The following ANKFN1 variants were observed in gnomAD, a reference collection of about 807,000 sequenced individuals.
ANKFN1 encodes the protein ankyrin repeat and fibronectin type III domain containing 1.
ANKFN1 carries 74 observed loss-of-function variants against 108.7 expected under a neutral mutation model. The observed-to-expected ratio is 0.68, with a 90% CI of 0.56 to 0.83. The LOEUF (loss-of-function observed/expected upper bound fraction) is 0.83, where lower values mean the gene tolerates loss of function less well. Among genes scored for constraint, ANKFN1 ranks in the 40% least tolerant of loss-of-function variants. ANKFN1 has a pLI of 0.00. For missense variants in ANKFN1, 1,505 were observed against 1,382.3 expected, an observed-to-expected ratio of 1.09 and a Z score of -1.41; for synonymous variants, 547 against 516.2, an observed-to-expected ratio of 1.06 and a Z score of -0.81.
At chr17:56,167,751 C>T (rs1910285935) in intron 1 of ANKFN1, among the ~76,000 whole-genome samples, 1 of 152,128 alleles carries the variant, frequency 6.6e-6, no homozygotes, top group Non-Finnish European at 1.5e-5. Flanking sequence ...GGAGGCTTCA[C>T]CACCTTACAA....
At chr17:56,300,796 G>T (rs1476148129) in intron 3 of ANKFN1, among the ~76,000 whole-genome samples, 1 of 152,108 alleles carries the variant, frequency 6.6e-6, no homozygotes, top group East Asian at 1.9e-4. Context: ...TCAGATATTT[G>T]ATTGGTTGCC....
intron 1 of ANKFN1, among the ~76,000 whole-genome samples, chr17:56,207,302 G>C (rs1193528591): frequency 6.6e-6 from 1 of 152,188 alleles, no homozygotes; most frequent in Non-Finnish European, 1.5e-5. Flanking sequence ...CCAGCAATCT[G>C]GATTTTGACA....
Position 56,046,171 on chromosome 17 carries a change from GAA to G in ANKFN1, c.135_136del (p.Ile46LeufsTer14). 6.6e-6 allele frequency: 1 copy of G among 152,580 alleles called. No homozygotes were observed. The highest frequency in any genetic ancestry group is 6.5e-5 in the Admixed American group (1 of 15,276). The allele number at this position is 152,580 out of a possible 1,614,324, so 9.5% of individuals were successfully genotyped here. A position where few individuals can be genotyped will look rare whatever the true frequency, so the allele number is the denominator to read the frequency against. On this transcript the variant is annotated frameshift_variant, in exon 4 of 13. Coordinates refer to the ANKFN1 transcript ENST00000635860. LOFTEE classifies it high-confidence loss of function. ...ATAAACGAGTCGGTGTTCATCTGGG[GAA>G]TCTCAGACAAAGCAGCCCAGAGGAA...
At chr17:56,353,743 G>A in intron 5 of ANKFN1, 93 bp from the exon 6 acceptor site, 1 of 1,093,844 alleles carries the variant, frequency 9.1e-7, no homozygotes, top group Non-Finnish European at 1.4e-6. Context: ...TGGACATGCA[G>A]TCCCTGAAAC....
intron 4 of ANKFN1, among the ~76,000 whole-genome samples, chr17:56,336,924 T>C (rs2045827261): frequency 6.6e-6 from 1 of 152,228 alleles, no homozygotes; most frequent in Non-Finnish European, 1.5e-5. Flanking sequence ...GTTGTGTCTT[T>C]GTTTCATTGG....
upstream of ANKFN1, among the ~76,000 whole-genome samples, chr17:56,149,140 G>A (rs1460887786): frequency 6.6e-6 from 1 of 152,116 alleles, no homozygotes; most frequent in Non-Finnish European, 1.5e-5. Context: ...GGGTGGGTGA[G>A]AGGGGGTAGT....
At position 56,515,018 on chromosome 17, in the gene ANKFN1, C is replaced by T. The variant is rs532956911; in HGVS notation, c.*3749C>T. Among the ~76,000 whole-genome samples the T allele has an allele frequency of 5.1e-4, 78 of 152,134 alleles. No individual in the cohort carries two copies. The highest frequency in any genetic ancestry group is 9.7e-4 in the Non-Finnish European group (66 of 67,986). ...AATACCTGCTTGGCCTCCTCTGGTT[C>T]TTCATCCTGCAACCAAGATGTACTT... On this transcript the variant is annotated 3_prime_UTR_variant, in exon 21 of 21. Coordinates refer to ENST00000682825, the MANE Select transcript of ANKFN1 (RefSeq NM_001370326.1).
intron 4 of ANKFN1, among the ~76,000 whole-genome samples, chr17:56,074,398 G>A (rs1040877485): frequency 6.6e-6 from 1 of 152,164 alleles, no homozygotes; most frequent in African/African-American, 2.4e-5. Context: ...CTGACACTGC[G>A]TGAGCCCTTG....
chr17:56,230,490 C>T (rs1598277225), intron 3 of ANKFN1, among the ~76,000 whole-genome samples: 2 of 152,002 alleles, frequency 1.3e-5, no homozygotes, highest in South Asian at 4.2e-4. Flanking sequence ...TATTGGAGAC[C>T]CTCCCTGTTT....
intron 15 of ANKFN1, chr17:56,472,766 G>A (rs1383252833): frequency 6.6e-6 from 1 of 152,196 alleles, no homozygotes; most frequent in African/African-American, 2.4e-5. Flanking sequence ...CACAGACAAA[G>A]CAGCTATTAA....
chr17:56,259,991 A>G (rs1368237477), intron 3 of ANKFN1, among the ~76,000 whole-genome samples: 1 of 151,956 alleles, frequency 6.6e-6, no homozygotes, highest in Non-Finnish European at 1.5e-5. Flanking sequence ...TGCACATGCA[A>G]TTTAGCTGAT....
Position 56,274,764 on chromosome 17 carries a change from A to T in ANKFN1, c.53+46807A>T, listed in dbSNP as rs559221025. Among the ~76,000 whole-genome samples, 9 of 152,258 alleles carry T rather than the reference A, an allele frequency of 5.9e-5. No individual in the cohort carries two copies. The East Asian group carries it at 1.4e-3, about 23-fold the overall frequency. ...ATACAGCTGTGGTCTCCACATAGTT[A>T]TAATTGTTCAAGCTGAATGTATTCA... On this transcript the variant is annotated intron_variant, in intron 3 of 20. Coordinates refer to ENST00000682825, the MANE Select transcript of ANKFN1 (RefSeq NM_001370326.1).
chr17:56,385,521 G>A (rs2047235511), intron 8 of ANKFN1, among the ~76,000 whole-genome samples: 1 of 152,152 alleles, frequency 6.6e-6, no homozygotes, highest in South Asian at 2.1e-4. Flanking sequence ...ATTACCATCA[G>A]AGTGAACAAG....
intron 8 of ANKFN1, among the ~76,000 whole-genome samples, chr17:56,391,288 T>TAC (rs1355601550): frequency 4.9e-5 from 7 of 142,312 alleles, no homozygotes; most frequent in African/African-American, 1.6e-4. Context: ...TATGTATATG[T>TAC]ACACACACAC....
chr17:56,233,321 C>T (rs1014092858), intron 3 of ANKFN1, among the ~76,000 whole-genome samples: 1 of 151,638 alleles, frequency 6.6e-6, no homozygotes, highest in African/African-American at 2.4e-5. Context: ...TAACCGACTG[C>T]TTCATGGGCC....
At chr17:56,059,891 A>C (rs1364547362) in intron 4 of ANKFN1, among the ~76,000 whole-genome samples, 1 of 152,184 alleles carries the variant, frequency 6.6e-6, no homozygotes, top group Non-Finnish European at 1.5e-5. Flanking sequence ...CTTTTTGCTT[A>C]GAATTGTCTT....
At chr17:56,422,512 C>T (rs1232049766) in intron 8 of ANKFN1, among the ~76,000 whole-genome samples, 1 of 152,076 alleles carries the variant, frequency 6.6e-6, no homozygotes, top group African/African-American at 2.4e-5. Context: ...CACGCATGCA[C>T]GCACACACTT....
In ANKFN1 at chr17:56,510,850, T is replaced by C. The variant is rs2241935; in HGVS notation, c.3022T>C (p.Tyr1008His). The C allele has an allele frequency of 0.096, 147,086 of 1,536,056 alleles. 7,492 individuals are homozygous for C. Among genetic ancestry groups the C allele is most frequent in the African/African-American group, 0.17 (12,159 of 73,158 alleles). Residue 1008 changes from tyrosine to histidine, a missense_variant, in exon 21 of 21, where the codon TAT becomes CAT. Transcript: ENST00000682825. ...GCGGAAGCCAGGCAAGCACCCCCAC[T>C]ATGGCGGCTTCAGCCGCCATCATCG... ...GKRKPGKHPH[Y>H]GGFSRHHRWL...
At chr17:56,159,605 G>A (rs879198678) in intron 1 of ANKFN1, among the ~76,000 whole-genome samples, 9 of 152,204 alleles carry the variant, frequency 5.9e-5, no homozygotes, top group Non-Finnish European at 7.3e-5. Context: ...ATTAAAGCTA[G>A]TAGTACCTGA....
Sources: gnomAD v4.1 joint callset for allele counts (sites outside exome capture counted in the v4.1 genomes callset) on GRCh38, gnomAD v4.1.1 for gene constraint, MANE v1.5 for transcripts, NCBI Gene and HGNC (gene_info 2026-07-23, HGNC 2026-07-21) for gene names.